PUSL1: variants seen among roughly 807,000 people sequenced by gnomAD.
PUSL1 encodes tRNA pseudouridine synthase-like 1.
A neutral mutation model predicts 30.7 loss-of-function variants in PUSL1; 51 were observed. That is an observed-to-expected ratio of 1.66 (90% confidence interval 1.33 to 2.10). The LOEUF is 2.10. PUSL1 is among the 30% of genes most tolerant of loss of function. The pLI is 0.00. For missense variants in PUSL1, 609 were observed against 427.6 expected (o/e 1.42, Z -3.74); for synonymous variants, 290 against 192.1 (o/e 1.51, Z -4.21).
intron 5 of PUSL1, 195 bp from the exon 6 acceptor site, chr1:1,310,439 T>G: frequency 3.4e-5 from 20 of 592,238 alleles, no homozygotes; most frequent in East Asian, 8.3e-5. Flanking sequence ...TGCCCAAGCA[T>G]TGTTTCTCTG....
chr1:1,309,214 C>T lies in PUSL1; in HGVS notation c.264C>T (p.Pro88=). The T allele has an allele frequency of 6.6e-7, 1 of 1,525,236 alleles. No individual in the cohort carries two copies. The highest frequency in any genetic ancestry group is 8.7e-7 in the Non-Finnish European group (1 of 1,144,914). 94.5% of individuals were successfully genotyped at this position (1,525,236 alleles called of 1,614,324 possible). The change falls in exon 3 of 8, where the codon CCC becomes CCT. Residue 88 remains proline (P), a synonymous_variant. Transcript: ENST00000379031. ...LDVQRRSGRP[P]FPPEVLAEAL... ...TCCAGCGCCGCTCAGGCCGGCCGCC[C>T]TTCCCGCCCGAGGTCCTGGCCGAGG... is the stretch of plus-strand genomic sequence containing the variant.
chr1:1,311,536 C>T lies in PUSL1; in HGVS notation c.*157C>T, dbSNP rs1479821418. On this transcript the variant is annotated 3_prime_UTR_variant, in exon 8 of 8. Transcript: ENST00000379031. ...CAGCACCCTGGATGCCCGTCTCTGT[C>T]CCAGGCGGGATGGGGCACAGTGCAG... The T allele has an allele frequency of 3.7e-6, 3 of 804,634 alleles. No individual in the cohort carries two copies. The highest frequency in any genetic ancestry group is 6.3e-6 in the Non-Finnish European group (3 of 478,370). The allele number at this position is 804,634 out of a possible 1,614,324, so 49.8% of individuals were successfully genotyped here.
chr1:1,308,976 C>A lies in PUSL1; in HGVS notation c.135+4C>A. The A allele has an allele frequency of 7.1e-7, 1 of 1,412,008 alleles. No individual in the cohort carries two copies. Among genetic ancestry groups the A allele is most frequent in the Non-Finnish European group, 9.2e-7 (1 of 1,087,026 alleles). The allele number at this position is 1,412,008 out of a possible 1,614,324, so 87.5% of individuals were successfully genotyped here. On this transcript the variant is annotated splice_donor_region_variant and intron_variant, in intron 2 of 7. Transcript: ENST00000379031. ...CGGGGTCCAGAACTACCTGGAGGTGCGCTCAGCCGGTCACGGGACGCCCGG... is the reference window on the plus strand; with the variant it reads ...CGGGGTCCAGAACTACCTGGAGGTGAGCTCAGCCGGTCACGGGACGCCCGG...
chr1:1,309,817 C>A lies in PUSL1; in HGVS notation c.610C>A (p.Gln204Lys). 6.5e-7 allele frequency: 1 copy of A among 1,547,858 alleles called. No homozygotes were observed. The change falls in exon 5 of 8, where the codon CAA becomes AAA. Residue 204 changes from glutamine to lysine, a missense_variant. Gln to Lys is a moderately conservative substitution (Grantham distance 53, BLOSUM62 1). Transcript: ENST00000379031. ...GCGCCGGGTCTCCGTTTCCCCAGGC[C>A]AAGCCAGCCCCTTGGTCACCCCCGA... The part of the protein sequence containing the change: ...TLRRVSVSPG[Q>K]ASPLVTPEES...
Position 1,309,453 on chromosome 1 carries a change from G to C in PUSL1, c.324-1G>C, listed in dbSNP as rs750036055. On this transcript the variant is annotated splice_acceptor_variant, in intron 3 of 7. Transcript: ENST00000379031. LOFTEE classifies it high-confidence loss of function. Reference sequence around the variant, plus strand: ...CCGGTGAGCTTTACCTGCCGCCATAGGGTCCTGCGGGCCTTCCGAGTGCCC... The same window carrying C: ...CCGGTGAGCTTTACCTGCCGCCATACGGTCCTGCGGGCCTTCCGAGTGCCC... 2 of 1,596,488 alleles carry C rather than the reference G, an allele frequency of 1.3e-6. No individual in the cohort carries two copies. The highest frequency in any genetic ancestry group is 2.3e-5 in the East Asian group (1 of 44,002).
chr1:1,310,123 G>A (rs1642038494), intron 5 of PUSL1: 3 of 483,814 alleles, frequency 6.2e-6, no homozygotes, highest in Non-Finnish European at 1.1e-5. Context: ...TACTGGAAAG[G>A]TCTCACTGGT....
chr1:1,311,041 T>C lies in PUSL1; in HGVS notation c.832T>C (p.Phe278Leu), dbSNP rs1185654445. The C allele has an allele frequency of 1.2e-6, 2 of 1,612,030 alleles. No individual in the cohort carries two copies. Among genetic ancestry groups the C allele is most frequent in the South Asian group, 2.2e-5 (2 of 91,078 alleles). Residue 278 changes from phenylalanine (F) to leucine (L), a missense_variant, in exon 7 of 8, where the codon TTC becomes CTC. Phe to Leu is a conservative substitution (Grantham distance 22). Transcript: ENST00000379031. ...ACGTGTAGCCCCAGCCCACGGCTTA[T>C]TCCTCAAGTCAGTGCTGTACGGGAA... ...QTRVAPAHGL[F>L]LKSVLYGNLG... is the part of the protein sequence containing the mutation.
In PUSL1 at chr1:1,310,994, A is replaced by G. The variant is rs1557624474; in HGVS notation, c.785A>G (p.Asp262Gly). 2.5e-6 allele frequency: 4 copies of G among 1,612,266 alleles called. No homozygotes were observed. Among genetic ancestry groups the G allele is most frequent in the Middle Eastern group, 1.6e-4 (1 of 6,082 alleles). ...GTGAAGACGATTCTGGAGAGCCAAG[A>G]TCCCCTGGGCAAGCACCAGACACGT... ...AQVKTILESQ[D>G]PLGKHQTRVA... The change falls in exon 7 of 8, where the codon GAT becomes GGT. Residue 262 changes from aspartate to glycine, a missense_variant. Physicochemically the swap from Asp to Gly is moderately conservative, Grantham distance 94. Coordinates refer to ENST00000379031, the MANE Select transcript of PUSL1 (RefSeq NM_153339.3).
chr1:1,308,667 C>T lies in PUSL1; in HGVS notation c.24C>T (p.Gly8=). Residue 8 remains glycine (G), a synonymous_variant, in exon 1 of 8, where the codon GGC becomes GGT. Transcript: ENST00000379031. ...CCATGAGTTCGGCGCCGGCCTCAGG[C>T]TCCGTGCGCGCGCGCTATCTTGTGT... MSSAPAS[G]SVRARYLVYF... is the part of the protein sequence containing the mutation. The T allele has an allele frequency of 6.5e-7, 1 of 1,545,314 alleles. No homozygotes were observed.
rs776472630 is a variant in PUSL1 at position 1,308,668 on chromosome 1, T to A, written c.25T>A (p.Ser9Thr). MSSAPASG[S>T]VRARYLVYFQ... is the part of the protein sequence containing the mutation. ...CATGAGTTCGGCGCCGGCCTCAGGC[T>A]CCGTGCGCGCGCGCTATCTTGTGTA... Residue 9 changes from serine (S) to threonine (T), a missense_variant, in exon 1 of 8, where the codon TCC (serine) becomes ACC (threonine). Ser to Thr is a moderately conservative substitution (Grantham distance 58, BLOSUM62 1). Coordinates refer to ENST00000379031, the MANE Select transcript of PUSL1 (RefSeq NM_153339.3). 4.5e-6 allele frequency: 7 copies of A among 1,538,882 alleles called. No homozygotes were observed. The highest frequency in any genetic ancestry group is 2.0e-4 in the Middle Eastern group (1 of 4,902).
chr1:1,309,392 G>A (rs1199125257), intron 3 of PUSL1, 62 bp from the exon 4 acceptor site: 4 of 1,518,430 alleles, frequency 2.6e-6, no homozygotes, highest in Non-Finnish European at 2.7e-6. Context: ...GGGAAGGAGA[G>A]CCAATGTGAC....
At position 1,310,573 on chromosome 1, in the gene PUSL1, A is replaced by AT. The variant is rs1557623401; in HGVS notation, c.645-60dup. ...CTGTCACTCTCCCGTCCAAGGCCACATAGTAGGCTGAGGATGGCAAACACT... is the reference window on the plus strand; with the variant it reads ...CTGTCACTCTCCCGTCCAAGGCCACATTAGTAGGCTGAGGATGGCAAACACT... On this transcript the variant is annotated intron_variant, in intron 5 of 7. Coordinates refer to ENST00000379031, the MANE Select transcript of PUSL1 (RefSeq NM_153339.3). 2.3e-6 allele frequency: 3 copies of AT among 1,321,528 alleles called. No homozygotes were observed. The South Asian group carries it at 4.1e-5, about 18-fold the overall frequency. The allele number at this position is 1,321,528 out of a possible 1,614,324, so 81.9% of individuals were successfully genotyped here.
In PUSL1 at chr1:1,311,431, G is replaced by A; in HGVS notation, c.*52G>A. ...CCACACCAGGCCCAACCCTGTGCTGGTCAAGCCAGGGCAGTCACAGCTGCT... is the reference window on the plus strand; with the variant it reads ...CCACACCAGGCCCAACCCTGTGCTGATCAAGCCAGGGCAGTCACAGCTGCT... On this transcript the variant is annotated 3_prime_UTR_variant, in exon 8 of 8. Coordinates refer to ENST00000379031, the MANE Select transcript of PUSL1 (RefSeq NM_153339.3). The A allele has an allele frequency of 2.6e-6, 4 of 1,552,780 alleles. No individual in the cohort carries two copies. The highest frequency in any genetic ancestry group is 3.5e-6 in the Non-Finnish European group (4 of 1,142,362).
intron 3 of PUSL1, 49 bp from the exon 4 acceptor site, chr1:1,309,405 C>G: frequency 2.0e-6 from 3 of 1,533,832 alleles, no homozygotes; most frequent in Non-Finnish European, 2.6e-6. Context: ...AATGTGACAC[C>G]GCGGGCGGGC....
rs1570689365 is a variant in PUSL1, at chr1:1,310,305, G to T, written c.645-329G>T. On this transcript the variant is annotated intron_variant, in intron 5 of 7. Coordinates refer to ENST00000379031, the MANE Select transcript of PUSL1 (RefSeq NM_153339.3). ...CAGAGCAGCAGGTACAGGACTGGGG[G>T]TCTCTGGCACCCGCACCAGCCACGT... is the stretch of plus-strand genomic sequence containing the variant. The T allele has an allele frequency of 7.7e-6, 3 of 390,388 alleles. No individual in the cohort carries two copies. The East Asian group carries it at 1.3e-4, about 17-fold the overall frequency. 24.2% of individuals were successfully genotyped at this position (390,388 alleles called of 1,614,324 possible).
At chr1:1,311,182 G>GC (rs1258719811) in intron 7 of PUSL1, 111 bp downstream of exon 7, 16 of 1,443,164 alleles carry the variant, frequency 1.1e-5, no homozygotes, top group Middle Eastern at 1.8e-4. Context: ...GGGTGAAGCA[G>GC]CCCCCCGCCC....
intron 4 of PUSL1, 27 bp downstream of exon 4, chr1:1,309,630 G>T (rs768244037): frequency 1.9e-6 from 3 of 1,597,218 alleles, no homozygotes; most frequent in Non-Finnish European, 2.6e-6. Flanking sequence ...CAGCGGGGAG[G>T]GGGCGGGCAG....
chr1:1,310,993 G>C lies in PUSL1; in HGVS notation c.784G>C (p.Asp262His), dbSNP rs142154083. 1 of 1,612,520 alleles carries C rather than the reference G, an allele frequency of 6.2e-7. No homozygotes were observed. Reference protein sequence around the residue: ...AQVKTILESQDPLGKHQTRVA... With the variant: ...AQVKTILESQHPLGKHQTRVA... The stretch of plus-strand genomic sequence containing the variant: ...GGTGAAGACGATTCTGGAGAGCCAA[G>C]ATCCCCTGGGCAAGCACCAGACACG... The change falls in exon 7 of 8, where the codon GAT (aspartate) becomes CAT (histidine). Residue 262 changes from aspartate (D) to histidine (H), a missense_variant. Coordinates refer to ENST00000379031, the MANE Select transcript of PUSL1 (RefSeq NM_153339.3).
intron 6 of PUSL1, 37 bp from the exon 7 acceptor site, chr1:1,310,872 C>T (rs773502224): frequency 3.3e-6 from 5 of 1,531,230 alleles, no homozygotes; most frequent in Middle Eastern, 1.8e-4. Flanking sequence ...TGGTGGGTCA[C>T]GGGCGGCTCT....
Sources: allele counts gnomAD v4.1 joint callset, GRCh38; gene constraint gnomAD v4.1.1; transcripts MANE v1.5; gene names NCBI Gene and HGNC (gene_info 2026-07-23, HGNC 2026-07-21).